SFMBT1: variants seen among roughly 807,000 people sequenced by gnomAD.
SFMBT1 encodes the protein scm-like with four MBT domains protein 1.
Under a neutral mutation model 108.7 loss-of-function variants are expected in SFMBT1, and 32 were observed. That is an observed-to-expected ratio of 0.29 (90% CI 0.22 to 0.40). SFMBT1 has a LOEUF of 0.40. SFMBT1 is among the 10% of genes least tolerant of loss of function. The pLI is 1.00. For missense variants in SFMBT1, 816 were observed against 1,059.6 expected, an observed-to-expected ratio of 0.77 and a Z score of 3.19; for synonymous variants, 348 against 369.5, an observed-to-expected ratio of 0.94 and a Z score of 0.67.
intron 1 of SFMBT1, among the ~76,000 whole-genome samples, chr3:53,032,977 C>A (rs1033251607): frequency 6.6e-6 from 1 of 152,006 alleles, no homozygotes; most frequent in Non-Finnish European, 1.5e-5. Flanking sequence ...TGATAGAATA[C>A]AAGAAAATTT....
chr3:52,916,921 G>T (rs1341212536), intron 13 of SFMBT1, among the ~76,000 whole-genome samples: 2 of 151,716 alleles, frequency 1.3e-5, no homozygotes, highest in African/African-American at 2.4e-5. Context: ...CTTTATATAG[G>T]GTTCGTTTTC....
At chr3:53,032,079 T>C (rs1699705402) in intron 1 of SFMBT1, among the ~76,000 whole-genome samples, 1 of 152,216 alleles carries the variant, frequency 6.6e-6, no homozygotes, top group South Asian at 2.1e-4. Context: ...ACAAACTTGA[T>C]GTCCAGCCAG....
At chr3:52,934,994 CATTTTAAG>C in intron 4 of SFMBT1, 93 bp from the exon 5 acceptor site, 2 of 1,017,246 alleles carry the variant, frequency 2.0e-6, no homozygotes, top group Non-Finnish European at 2.9e-6. Flanking sequence ...AGGTATTTCA[CATTTTAAG>C]ATCTAAGAGT....
At chr3:53,035,733 A>T (rs1198714104) in intron 1 of SFMBT1, among the ~76,000 whole-genome samples, 6 of 152,178 alleles carry the variant, frequency 3.9e-5, no homozygotes, top group Admixed American at 3.9e-4. Flanking sequence ...AGTAGCTGGG[A>T]TTACAGGCAC....
At chr3:52,920,732 T>C in intron 11 of SFMBT1, 82 bp from the exon 12 acceptor site, 2 of 801,202 alleles carry the variant, frequency 2.5e-6, no homozygotes. Flanking sequence ...TAAACTATTT[T>C]CTAGATAATG....
At chr3:52,980,375 T>G (rs1704668705) in intron 1 of SFMBT1, among the ~76,000 whole-genome samples, 1 of 152,148 alleles carries the variant, frequency 6.6e-6, no homozygotes, top group Non-Finnish European at 1.5e-5. Flanking sequence ...CGTGGGCAAT[T>G]CGTCTCTCCA....
At chr3:52,916,062 A>T in intron 14 of SFMBT1, 88 bp downstream of exon 14, 1 of 1,112,252 alleles carries the variant, frequency 9.0e-7, no homozygotes, top group East Asian at 2.4e-5. Context: ...CATACTATAC[A>T]TCAAATGTAC....
chr3:52,978,484 TG>T (rs992426821), intron 1 of SFMBT1, among the ~76,000 whole-genome samples: 2 of 152,054 alleles, frequency 1.3e-5, no homozygotes, highest in African/African-American at 2.4e-5. Context: ...CCTACTCCTC[TG>T]GGGGTAACAA....
At chr3:53,040,147 G>C (rs1303495316) in intron 1 of SFMBT1, among the ~76,000 whole-genome samples, 3 of 152,214 alleles carry the variant, frequency 2.0e-5, no homozygotes, top group African/African-American at 7.2e-5. Flanking sequence ...AAGCACTCTA[G>C]TCTGGGGAGC....
chr3:52,994,224 G>A (rs1260738317), intron 1 of SFMBT1, among the ~76,000 whole-genome samples: 1 of 150,382 alleles, frequency 6.6e-6, no homozygotes, highest in Non-Finnish European at 1.5e-5. Flanking sequence ...ACACAACTGT[G>A]CCATCTGGTC....
At chr3:52,975,970 C>T (rs577208119) in intron 1 of SFMBT1, among the ~76,000 whole-genome samples, 7 of 151,840 alleles carry the variant, frequency 4.6e-5, no homozygotes, top group Admixed American at 2.0e-4. Flanking sequence ...AAGATCATGC[C>T]GCCGCACTCC....
rs374875245 is a variant in SFMBT1 at position 52,913,466 on chromosome 3, C to T, written c.1620+12G>A. 3.7e-6 allele frequency: 6 copies of T among 1,609,280 alleles called. No individual in the cohort carries two copies. The highest frequency in any genetic ancestry group is 1.3e-5 in the African/African-American group (1 of 74,734). On this transcript the variant is annotated intron_variant, in intron 15 of 20. Coordinates refer to ENST00000394752, the MANE Select transcript of SFMBT1 (RefSeq NM_016329.4). ...AATTTCCAAGTTATTTTGCTCTAGG[C>T]CAGAACCTTACCTCTCTAAGGACCA...
At chr3:52,967,300 T>C (rs1704180899) in intron 2 of SFMBT1, among the ~76,000 whole-genome samples, 1 of 152,168 alleles carries the variant, frequency 6.6e-6, no homozygotes, top group Admixed American at 6.5e-5. Flanking sequence ...AATATAATTA[T>C]ACAGGCATGT....
At chr3:52,931,965 G>A (rs2106796776) in intron 6 of SFMBT1, 97 bp downstream of exon 6, 2 of 1,366,082 alleles carry the variant, frequency 1.5e-6, no homozygotes, top group African/African-American at 2.9e-5. Flanking sequence ...ACTAACAAAG[G>A]TTTTCATAAT....
chr3:52,980,791 G>A (rs1475068674), intron 1 of SFMBT1, among the ~76,000 whole-genome samples: 3 of 152,136 alleles, frequency 2.0e-5, no homozygotes, highest in Admixed American at 6.5e-5. Context: ...GTGGGTGCAC[G>A]ACTGCTGTAG....
intron 10 of SFMBT1, among the ~76,000 whole-genome samples, chr3:52,923,679 C>A (rs1030505314): frequency 3.3e-5 from 5 of 151,862 alleles, no homozygotes; most frequent in African/African-American, 1.2e-4. Context: ...TTTAGGAAAT[C>A]TTCCAGAAAA....
chr3:53,039,333 C>T (rs1326093594), intron 1 of SFMBT1, among the ~76,000 whole-genome samples: 1 of 151,678 alleles, frequency 6.6e-6, no homozygotes, highest in Non-Finnish European at 1.5e-5. Flanking sequence ...ACCTTAAAGA[C>T]ATTATGTTAA....
At chr3:53,044,674 C>T (rs1700157191) in intron 1 of SFMBT1, among the ~76,000 whole-genome samples, 1 of 152,220 alleles carries the variant, frequency 6.6e-6, no homozygotes, top group African/African-American at 2.4e-5. Flanking sequence ...AGAAGACATA[C>T]GCAGGGATTG....
At chr3:52,924,874 A>T (rs1204837249) in intron 10 of SFMBT1, among the ~76,000 whole-genome samples, 2 of 152,228 alleles carry the variant, frequency 1.3e-5, no homozygotes, top group African/African-American at 2.4e-5. Flanking sequence ...TAAGTAAATT[A>T]AAAACAAGGC....
Sources: allele counts gnomAD v4.1 joint callset (sites outside exome capture counted in the v4.1 genomes callset), GRCh38; gene constraint gnomAD v4.1.1; transcripts MANE v1.5; gene names NCBI Gene and HGNC (gene_info 2026-07-23, HGNC 2026-07-21).